MTCL2: variants seen among roughly 807,000 people sequenced by gnomAD.
MTCL2 encodes the protein microtubule cross-linking factor 2.
At chr20:36,784,416 T>G in the MTCL2 span, 2 of 985,268 alleles carry the variant, frequency 2.0e-6, no homozygotes, top group Non-Finnish European at 2.4e-6. Context: ...CCCGAATGGG[T>G]GGGTCTGGGA....
At chr20:36,783,195 TC>T in the MTCL2 span, 2 of 152,070 alleles carry the variant, frequency 1.3e-5, no homozygotes, top group Non-Finnish European at 2.9e-5. Flanking sequence ...CATCTTGAGT[TC>T]ATAGAAAGCA....
At chr20:36,793,056 C>T in the MTCL2 span, 1 of 621,950 alleles carries the variant, frequency 1.6e-6, no homozygotes, top group Non-Finnish European at 2.7e-6. The surrounding 1 kb of genome is among the most constrained non-coding windows in gnomAD (Gnocchi z 6.8). Flanking sequence ...AGGTGCATGC[C>T]ACCACGCCTG....
chr20:36,811,422 A>G, the MTCL2 span, among the ~76,000 whole-genome samples: 1 of 152,098 alleles, frequency 6.6e-6, no homozygotes, highest in South Asian at 2.1e-4. Flanking sequence ...TGAGCCCCAG[A>G]GTTTGAGGCC....
At chr20:36,846,554 C>G in the MTCL2 span, among the ~76,000 whole-genome samples, 1 of 152,200 alleles carries the variant, frequency 6.6e-6, no homozygotes, top group Non-Finnish European at 1.5e-5. Context: ...TGGAGAAAAT[C>G]TGAAGAAGGT....
chr20:36,786,457 G>C, the MTCL2 span: 2 of 1,520,020 alleles, frequency 1.3e-6, no homozygotes, highest in East Asian at 4.9e-5. Context: ...GGGCTGGGCT[G>C]GTTGAGGCGG....
chr20:36,847,636 T>C, the MTCL2 span, among the ~76,000 whole-genome samples: 2 of 152,094 alleles, frequency 1.3e-5, no homozygotes, highest in African/African-American at 4.8e-5. Flanking sequence ...GGAAGATCCC[T>C]TGAGCTCAGG....
At chr20:36,844,244 A>G in the MTCL2 span, among the ~76,000 whole-genome samples, 1 of 151,186 alleles carries the variant, frequency 6.6e-6, no homozygotes, top group Non-Finnish European at 1.5e-5. Context: ...TCAGAAAAAA[A>G]TAAAATAAAA....
the MTCL2 span, chr20:36,793,578 A>T: frequency 6.4e-7 from 1 of 1,551,510 alleles, no homozygotes; most frequent in East Asian, 2.4e-5. This position sits in a 1 kb window ranked among gnomAD's most constrained non-coding sequence, Gnocchi z 6.8. Flanking sequence ...GTGCTCCCTG[A>T]GTGCTCCACC....
At chr20:36,808,377 G>C in the MTCL2 span, 1 of 602,680 alleles carries the variant, frequency 1.7e-6, no homozygotes, top group Non-Finnish European at 2.8e-6. Context: ...AAAAAGCAAC[G>C]AATGCAGGAA....
the MTCL2 span, among the ~76,000 whole-genome samples, chr20:36,856,895 G>A: frequency 6.6e-6 from 1 of 152,184 alleles, no homozygotes; most frequent in African/African-American, 2.4e-5. Flanking sequence ...TAGGTTCCCT[G>A]GTTTGAGAGC....
chr20:36,793,048 G>A, the MTCL2 span: 2 of 575,136 alleles, frequency 3.5e-6, no homozygotes, highest in Admixed American at 7.0e-5. This position sits in a 1 kb window ranked among gnomAD's most constrained non-coding sequence, Gnocchi z 6.8. Context: ...GGGACAACAG[G>A]TGCATGCCAC....
At chr20:36,794,311 C>T in the MTCL2 span, 31 of 1,563,124 alleles carry the variant, frequency 2.0e-5, no homozygotes, top group East Asian at 1.4e-4. This position sits in a 1 kb window ranked among gnomAD's most constrained non-coding sequence, Gnocchi z 5.4. Context: ...GCCGGGCCAC[C>T]GGGGGACTAT....
the MTCL2 span, among the ~76,000 whole-genome samples, chr20:36,840,843 C>G: frequency 1.3e-5 from 2 of 151,068 alleles, no homozygotes; most frequent in African/African-American, 4.9e-5. Context: ...GAGACTCCGT[C>G]TCAAAAAAAA....
the MTCL2 span, chr20:36,817,395 G>T: frequency 6.4e-7 from 1 of 1,572,410 alleles, no homozygotes; most frequent in South Asian, 1.2e-5. Flanking sequence ...TACGGGGGCT[G>T]CTGGGAATTA....
chr20:36,836,532 C>T, the MTCL2 span, among the ~76,000 whole-genome samples: 1 of 151,696 alleles, frequency 6.6e-6, no homozygotes. Flanking sequence ...TTAGTAGAGC[C>T]GGGGTTTCAC....
At chr20:36,810,717 C>CCTCTCTCTCTCCCTCTCTCTCTCTCT in the MTCL2 span, among the ~76,000 whole-genome samples, 1 of 94,270 alleles carries the variant, frequency 1.1e-5, no homozygotes, top group East Asian at 3.1e-4. Flanking sequence ...TCTCTCTCTC[C>CCTCTCTCTCTCCCTCTCTCTCTCTCT]CTCTCTCTCT....
the MTCL2 span, among the ~76,000 whole-genome samples, chr20:36,857,825 G>A: frequency 4.4e-4 from 67 of 152,286 alleles, no homozygotes; most frequent in African/African-American, 1.5e-3. Context: ...CTGGAGGAAC[G>A]GATAAGGGAT....
chr20:36,803,377 G>C, the MTCL2 span, among the ~76,000 whole-genome samples: 1 of 152,170 alleles, frequency 6.6e-6, no homozygotes, highest in African/African-American at 2.4e-5. Context: ...AACTCAGAAA[G>C]ATTACTAGTG....
the MTCL2 span, chr20:36,794,634 T>G: frequency 6.2e-7 from 1 of 1,613,600 alleles, no homozygotes. This position sits in a 1 kb window ranked among gnomAD's most constrained non-coding sequence, Gnocchi z 5.4. Context: ...TCGTTATTAG[T>G]GGAAATAACA....
Sources: allele counts gnomAD v4.1 joint callset (sites outside exome capture counted in the v4.1 genomes callset), GRCh38; gene constraint gnomAD v4.1.1; non-coding constraint Gnocchi (gnomAD v3.1); transcripts MANE v1.5; gene names NCBI Gene and HGNC (gene_info 2026-07-23, HGNC 2026-07-21).